SULT1B1: variants seen among roughly 807,000 people sequenced by gnomAD.
The protein encoded by SULT1B1 is sulfotransferase 1B1.
In SULT1B1, 28 loss-of-function variants were observed where a neutral mutation model predicts 34.6. The observed-to-expected ratio is 0.81, with a 90% CI of 0.60 to 1.11. The LOEUF (loss-of-function observed/expected upper bound fraction) is 1.11, where lower values mean the gene tolerates loss of function less well. SULT1B1 is among the 50% of genes least tolerant of loss of function. The probability of loss-of-function intolerance (pLI) is 0.00; values close to 1 mark genes in which losing one functional copy is unlikely to be tolerated. For missense variants in SULT1B1, 374 were observed against 352.2 expected, an observed-to-expected ratio of 1.06 and a Z score of -0.50; for synonymous variants, 147 against 110.2, an observed-to-expected ratio of 1.33 and a Z score of -2.09.
intron 4 of SULT1B1, among the ~76,000 whole-genome samples, chr4:69,739,409 T>C (rs544684110): frequency 6.6e-6 from 1 of 152,312 alleles, no homozygotes; most frequent in South Asian, 2.1e-4. Flanking sequence ...CTCAACACCA[T>C]GTGGAAGCTG....
intron 1 of SULT1B1, among the ~76,000 whole-genome samples, chr4:69,759,531 G>T (rs999606246): frequency 2.0e-5 from 3 of 152,150 alleles, no homozygotes; most frequent in African/African-American, 7.2e-5. Flanking sequence ...TCTGGGAAGT[G>T]GGTGTGTCCA....
At position 69,733,413 on chromosome 4, in the gene SULT1B1, C is replaced by T; in HGVS notation, c.597G>A (p.Glu199=). 6.3e-7 allele frequency: 1 copy of T among 1,582,468 alleles called. No homozygotes were observed. Among genetic ancestry groups the T allele is most frequent in the Non-Finnish European group, 8.6e-7 (1 of 1,163,598 alleles). ...CCAGAATCCATATCTACCATTTTAC[C>T]TCTTTCATATCTTCATAGTACAAAA... ...ILFLYYEDMK[E]NPKEEIKKII... Residue 199 remains glutamate (E), a splice_region_variant and synonymous_variant, in exon 6 of 8, where the codon GAG becomes GAA. Coordinates refer to ENST00000310613, the MANE Select transcript of SULT1B1 (RefSeq NM_014465.4).
rs891848965 is a variant in SULT1B1 at position 69,723,289 on chromosome 4, T to G, written c.*3799A>C. On this transcript the variant is annotated 3_prime_UTR_variant, in exon 8 of 8. Transcript: ENST00000310613. ...AGAAAATCTAGAAGAAATGGATAAA[T>G]TCCTCGACACATACACCCTCCCAAG... is the stretch of plus-strand genomic sequence containing the variant. 1 of 152,102 alleles carries G rather than the reference T, an allele frequency of 6.6e-6. No homozygotes were observed. Among genetic ancestry groups the G allele is most frequent in the African/African-American group, 2.4e-5 (1 of 41,414 alleles). The allele number at this position is 152,102 out of a possible 1,614,324, so 9.4% of individuals were successfully genotyped here.
intron 1 of SULT1B1, among the ~76,000 whole-genome samples, chr4:69,757,456 G>A (rs1578071706): frequency 6.6e-6 from 1 of 152,106 alleles, no homozygotes; most frequent in African/African-American, 2.4e-5. Context: ...TTAACAGCTA[G>A]CTGGAGCTTA....
At chr4:69,742,029 A>G in intron 4 of SULT1B1, among the ~76,000 whole-genome samples, 1 of 152,066 alleles carries the variant, frequency 6.6e-6, no homozygotes, top group East Asian at 1.9e-4. Flanking sequence ...TGCTCTTATT[A>G]TTTTGAGGTA....
intron 4 of SULT1B1, among the ~76,000 whole-genome samples, chr4:69,747,277 G>A (rs1718788032): frequency 6.6e-6 from 1 of 152,234 alleles, no homozygotes; most frequent in African/African-American, 2.4e-5. Context: ...AGGTTACTGA[G>A]CACTGGTGGG....
intron 3 of SULT1B1, among the ~76,000 whole-genome samples, chr4:69,753,996 C>T (rs1377542566): frequency 1.3e-5 from 2 of 152,160 alleles, no homozygotes; most frequent in Non-Finnish European, 1.5e-5. Context: ...TATTTTGGCT[C>T]AAGAGGCTGC....
At chr4:69,737,365 A>G (rs1472986142) in intron 4 of SULT1B1, among the ~76,000 whole-genome samples, 1 of 152,226 alleles carries the variant, frequency 6.6e-6, no homozygotes, top group Non-Finnish European at 1.5e-5. Context: ...CTCCAAACAG[A>G]AAGAAAATGA....
chr4:69,727,133 C>A lies in SULT1B1; in HGVS notation c.846G>T (p.Glu282Asp). The stretch of plus-strand genomic sequence containing the variant: ...GAAGTGCAGTTTTGGACATTTCTGT[C>A]TCATAAATAGCATCAAATTTCTCAT... ...AQNEKFDAIY[E>D]TEMSKTALQF... The change falls in exon 8 of 8, where the codon GAG (glutamate) becomes GAT (aspartate). Residue 282 changes from glutamate (E) to aspartate (D), a missense_variant. Physicochemically the swap from Glu to Asp is conservative, Grantham distance 45 (BLOSUM62 2). Coordinates refer to ENST00000310613, the MANE Select transcript of SULT1B1 (RefSeq NM_014465.4). 1 of 1,611,460 alleles carries A rather than the reference C, an allele frequency of 6.2e-7. No individual in the cohort carries two copies. The highest frequency in any genetic ancestry group is 1.1e-5 in the South Asian group (1 of 90,844).
chr4:69,760,139 G>A (rs1159933755), intron 1 of SULT1B1: 1 of 567,950 alleles, frequency 1.8e-6, no homozygotes, highest in African/African-American at 2.0e-5. Context: ...ATGTGAGTAG[G>A]ACTGGATGAA....
intron 4 of SULT1B1, among the ~76,000 whole-genome samples, chr4:69,744,264 T>C (rs897535179): frequency 2.6e-5 from 4 of 152,182 alleles, no homozygotes; most frequent in Non-Finnish European, 4.4e-5. Context: ...AGGGACTGAC[T>C]GTCTCCTCTC....
At chr4:69,736,269 G>T (rs899200014) in intron 4 of SULT1B1, among the ~76,000 whole-genome samples, 4 of 152,210 alleles carry the variant, frequency 2.6e-5, no homozygotes, top group Non-Finnish European at 5.9e-5. Flanking sequence ...AAACTTGAAA[G>T]ACAGTCTAAA....
intron 1 of SULT1B1, chr4:69,758,450 T>C (rs1475836382): frequency 1.0e-6 from 1 of 985,232 alleles, no homozygotes; most frequent in African/African-American, 1.7e-5. Flanking sequence ...AAACATTTTA[T>C]TTTATTAACT....
Position 69,733,408 on chromosome 4 carries a change from T to C in SULT1B1, c.597+5A>G. ...ATTATCCAGAATCCATATCTACCAT[T>C]TTACCTCTTTCATATCTTCATAGTA... is the stretch of plus-strand genomic sequence containing the variant. On this transcript the variant is annotated splice_donor_5th_base_variant and intron_variant, in intron 6 of 7. Transcript: ENST00000310613. 1 of 1,579,366 alleles carries C rather than the reference T, an allele frequency of 6.3e-7. No homozygotes were observed.
At position 69,725,918 on chromosome 4, in the gene SULT1B1, T is replaced by C. The variant is rs994665689; in HGVS notation, c.*1170A>G. 1 of 150,580 alleles carries C rather than the reference T, an allele frequency of 6.6e-6. No individual in the cohort carries two copies. The highest frequency in any genetic ancestry group is 2.4e-5 in the African/African-American group (1 of 40,938). 9.3% of individuals were successfully genotyped at this position (150,580 alleles called of 1,614,324 possible). A position where few individuals can be genotyped will look rare whatever the true frequency, so the allele number is the denominator to read the frequency against. On this transcript the variant is annotated 3_prime_UTR_variant, in exon 8 of 8. Transcript: ENST00000310613. ...GGATAGCATTAGGAGGTATACCTAATGTAAATGACGAGTTAATGGATGCAG... is the reference window on the plus strand; with the variant it reads ...GGATAGCATTAGGAGGTATACCTAACGTAAATGACGAGTTAATGGATGCAG...
intron 4 of SULT1B1, among the ~76,000 whole-genome samples, chr4:69,748,022 A>G (rs562260127): frequency 6.6e-6 from 1 of 152,136 alleles, no homozygotes; most frequent in South Asian, 2.1e-4. Flanking sequence ...CTAGTCAACC[A>G]TCTTGGCTCT....
chr4:69,759,377 T>C (rs1040771409), intron 1 of SULT1B1, among the ~76,000 whole-genome samples: 5 of 152,204 alleles, frequency 3.3e-5, no homozygotes, highest in African/African-American at 1.2e-4. Flanking sequence ...ATTTACAAAT[T>C]GGAAGGGATT....
In SULT1B1 at chr4:69,726,909, C is replaced by G; in HGVS notation, c.*179G>C. The G allele has an allele frequency of 2.1e-6, 1 of 469,038 alleles. No homozygotes were observed. The allele number at this position is 469,038 out of a possible 1,614,324, so 29.1% of individuals were successfully genotyped here. A position where few individuals can be genotyped will look rare whatever the true frequency, so the allele number is the denominator to read the frequency against. On this transcript the variant is annotated 3_prime_UTR_variant, in exon 8 of 8. Transcript: ENST00000310613. ...ACTTTAGCCTTAGAGAATTTGGAAA[C>G]TCAGAATCAAAGGAACAAAACTGGG...
At position 69,744,955 on chromosome 4, in the gene SULT1B1, CTT is replaced by C. The variant is rs530876480; in HGVS notation, c.375+4764_375+4765del. 1.5e-3 allele frequency among the ~76,000 whole-genome samples: 230 copies of C among 152,196 alleles called. 2 individuals carry two copies. The highest frequency in any genetic ancestry group is 7.7e-3 in the South Asian group (37 of 4,824). ...TCTCTGTTTTCATTTGTTTCAAAGA[CTT>C]TTTTAAAATTTTCTGCCTTAATTTC... On this transcript the variant is annotated intron_variant, in intron 4 of 7. Transcript: ENST00000310613.
Sources: gnomAD v4.1 joint callset for allele counts (sites outside exome capture counted in the v4.1 genomes callset) on GRCh38, gnomAD v4.1.1 for gene constraint, MANE v1.5 for transcripts, NCBI Gene and HGNC (gene_info 2026-07-23, HGNC 2026-07-21) for gene names.